Variants in DST observed in about 807,000 individuals in gnomAD.
The protein encoded by DST is bullous pemphigoid antigen.
In DST, 253 loss-of-function variants were observed where a neutral mutation model predicts 875.2. The observed-to-expected ratio is 0.29, with a 90% CI of 0.26 to 0.32. The LOEUF (loss-of-function observed/expected upper bound fraction) is 0.32, where lower values mean the gene tolerates loss of function less well. DST is among the 10% of genes least tolerant of loss of function. The pLI is 1.00. For synonymous variants in DST, 3,124 were observed against 3,197.1 expected, an observed-to-expected ratio of 0.98 and a Z score of 0.77; for missense variants, 8,287 against 9,111.6, an observed-to-expected ratio of 0.91 and a Z score of 3.68.
At chr6:56,649,434 T>C (rs1367191570) in intron 12 of DST, among the ~76,000 whole-genome samples, 2 of 152,210 alleles carry the variant, frequency 1.3e-5, no homozygotes, top group Admixed American at 6.5e-5. Context: ...TGTTGAAATG[T>C]TGAAATAACT....
intron 4 of DST, among the ~76,000 whole-genome samples, chr6:56,781,259 A>C (rs865808144): frequency 6.6e-6 from 1 of 152,218 alleles, no homozygotes; most frequent in South Asian, 2.1e-4. Flanking sequence ...TTCTGTGAAG[A>C]AAGTCATTGG....
rs1447287632 is a variant in DST, at chr6:56,561,393, T to G, written c.14225A>C (p.Lys4742Thr). 6.2e-7 allele frequency: 1 copy of G among 1,613,908 alleles called. No individual in the cohort carries two copies. Among genetic ancestry groups the G allele is most frequent in the Non-Finnish European group, 8.5e-7 (1 of 1,179,812 alleles). ...CCATTTTGTTGCAGTTTTGTTCATTTTCTGTAACCACTGCATCATTGCACT... is the reference window on the plus strand; with the variant it reads ...CCATTTTGTTGCAGTTTTGTTCATTGTCTGTAACCACTGCATCATTGCACT... ...ESSAMMQWLQ[K>T]MNKTATKWQQ... Residue 4742 changes from lysine to threonine, a missense_variant, in exon 57 of 104, where the codon AAA (lysine) becomes ACA (threonine). This residue lies in a region of DST where 1,513 missense variants were observed against 1,677.8 expected (regional missense o/e 0.90). Transcript: ENST00000680361.
At chr6:56,576,586 A>C (rs1412306316) in intron 50 of DST, among the ~76,000 whole-genome samples, 2 of 152,138 alleles carry the variant, frequency 1.3e-5, no homozygotes, top group African/African-American at 4.8e-5. Flanking sequence ...ATGGGGAGAA[A>C]TACACACACA....
At chr6:56,864,356 A>G (rs186552691) in intron 3 of DST, among the ~76,000 whole-genome samples, 1 of 152,240 alleles carries the variant, frequency 6.6e-6, no homozygotes, top group African/African-American at 2.4e-5. Flanking sequence ...TGTAACTAAT[A>G]TATCCTATTG....
chr6:56,521,740 T>A (rs2096711677), intron 69 of DST, among the ~76,000 whole-genome samples: 1 of 152,024 alleles, frequency 6.6e-6, no homozygotes, highest in African/African-American at 2.4e-5. Flanking sequence ...TAATTTATAG[T>A]AAGGCGAGGC....
At chr6:56,463,248 T>C in intron 101 of DST, 92 bp from the exon 102 acceptor site, 1 of 734,288 alleles carries the variant, frequency 1.4e-6, no homozygotes. Context: ...GAGTCACATT[T>C]CACAGTAAGA....
At chr6:56,942,045 T>C (rs1816868582) in intron 2 of DST, among the ~76,000 whole-genome samples, 1 of 152,228 alleles carries the variant, frequency 6.6e-6, no homozygotes, top group Non-Finnish European at 1.5e-5. Context: ...TCCAGAATGA[T>C]TGGTCCTTTC....
At chr6:56,783,673 G>T (rs4642474) in intron 4 of DST, among the ~76,000 whole-genome samples, 3,515 of 151,912 alleles carry the variant, frequency 0.023, 121 homozygotes, top group African/African-American at 0.077. Flanking sequence ...CTTGACTCTT[G>T]ATCCAATTTG....
In DST at chr6:56,517,290, T is replaced by A; in HGVS notation, c.18265A>T (p.Ile6089Phe). 6.2e-7 allele frequency: 1 copy of A among 1,612,222 alleles called. No homozygotes were observed. The highest frequency in any genetic ancestry group is 8.5e-7 in the Non-Finnish European group (1 of 1,179,244). ...LQVQKTFTME[I>F]LRHKDIIDDL... is the part of the protein sequence containing the mutation. ...TCAATAATATCCTTGTGTCTCAAAA[T>A]CTCCATGGTGAATGTCTGTGATTTA... The change falls in exon 71 of 104, where the codon ATT becomes TTT. Residue 6089 changes from isoleucine (I) to phenylalanine (F), a missense_variant. Transcript: ENST00000680361.
chr6:56,723,902 C>T (rs559789491), intron 5 of DST, among the ~76,000 whole-genome samples: 4 of 152,182 alleles, frequency 2.6e-5, no homozygotes, highest in Non-Finnish European at 5.9e-5. Context: ...AACCTTCCTC[C>T]GCTGCTCCCC....
chr6:56,735,964 T>G (rs1304998855), intron 4 of DST, among the ~76,000 whole-genome samples: 3 of 152,170 alleles, frequency 2.0e-5, no homozygotes, highest in African/African-American at 7.2e-5. Flanking sequence ...GCTCAAGCAA[T>G]TCTCCTGCGT....
At chr6:56,739,796 C>T (rs1396318262) in intron 4 of DST, among the ~76,000 whole-genome samples, 4 of 152,186 alleles carry the variant, frequency 2.6e-5, no homozygotes, top group Non-Finnish European at 5.9e-5. Context: ...CAGGAAGCTA[C>T]CCTATATGGT....
chr6:56,900,284 G>A (rs1793473430), intron 3 of DST, 137 bp downstream of exon 3: 2 of 644,784 alleles, frequency 3.1e-6, no homozygotes, highest in Non-Finnish European at 2.4e-6. Flanking sequence ...AAACTCATAT[G>A]AGTACGCTGC....
chr6:56,490,044 C>G (rs957760280), intron 85 of DST, among the ~76,000 whole-genome samples: 2 of 151,906 alleles, frequency 1.3e-5, no homozygotes, highest in East Asian at 3.9e-4. Context: ...GAAAGAGGAA[C>G]AAAAATGGGG....
At chr6:56,516,591 T>TA (rs1463101943) in intron 71 of DST, among the ~76,000 whole-genome samples, 2 of 152,200 alleles carry the variant, frequency 1.3e-5, no homozygotes, top group African/African-American at 4.8e-5. Context: ...ATGCATGGGA[T>TA]ATCTTTCCTA....
intron 4 of DST, among the ~76,000 whole-genome samples, chr6:56,824,792 A>G (rs901767827): frequency 6.6e-6 from 1 of 150,830 alleles, no homozygotes; most frequent in Admixed American, 6.6e-5. Flanking sequence ...CTGAGAAGTG[A>G]GGAGCCCCTC....
intron 36 of DST, chr6:56,619,476 G>T: frequency 1.2e-6 from 2 of 1,612,058 alleles, no homozygotes; most frequent in Non-Finnish European, 1.7e-6. Context: ...CAGATTTGTA[G>T]TCTTTCTAAT....
chr6:56,768,947 T>A (rs1215737477), intron 4 of DST, among the ~76,000 whole-genome samples: 1 of 151,836 alleles, frequency 6.6e-6, no homozygotes, highest in Non-Finnish European at 1.5e-5. Flanking sequence ...AACCAGAGAG[T>A]CAGAGGTTGC....
chr6:56,912,000 A>G (rs1013358842), intron 2 of DST, among the ~76,000 whole-genome samples: 1 of 152,156 alleles, frequency 6.6e-6, no homozygotes, highest in Non-Finnish European at 1.5e-5. Flanking sequence ...AACCACTTCT[A>G]GTCACAAAAG....
Sources: allele counts gnomAD v4.1 joint callset (sites outside exome capture counted in the v4.1 genomes callset), GRCh38; gene constraint gnomAD v4.1.1; regional missense constraint gnomAD v4.1.1; transcripts MANE v1.5; gene names NCBI Gene and HGNC (gene_info 2026-07-23, HGNC 2026-07-21).